LYRM2: variants seen among roughly 807,000 people sequenced by gnomAD.
LYRM2 encodes LYR motif containing 2.
LYRM2 carries 8 observed loss-of-function variants against 11.6 expected under a neutral mutation model. The ratio of observed to expected loss-of-function variants is 0.69; its 90% CI spans 0.40 to 1.24. LYRM2 has a LOEUF of 1.24. LYRM2 is among the 50% of genes most tolerant of loss of function. LYRM2 has a pLI of 0.01. For missense variants in LYRM2, 117 were observed against 102.9 expected (o/e 1.14, Z -0.59); for synonymous variants, 30 against 36.4 (o/e 0.83, Z 0.63).
Position 89,632,378 on chromosome 6 carries a change from A to G in LYRM2, c.*4895T>C, listed in dbSNP as rs563180470. Reference sequence around the variant, plus strand: ...GACATTCCTAAAAGAAAAATAATTCAGTAGATATATGTCACTGTTACCTGA... The same window carrying G: ...GACATTCCTAAAAGAAAAATAATTCGGTAGATATATGTCACTGTTACCTGA... On this transcript the variant is annotated 3_prime_UTR_variant, in exon 3 of 3. Transcript: ENST00000523377. The G allele has an allele frequency of 1.1e-4, 16 of 152,312 alleles. No homozygotes were observed. The highest frequency in any genetic ancestry group is 3.9e-4 in the African/African-American group (16 of 41,556). The allele number at this position is 152,312 out of a possible 1,614,324, so 9.4% of individuals were successfully genotyped here.
At chr6:89,637,386 T>G (rs1374321348) in intron 2 of LYRM2, 33 bp from the exon 3 acceptor site, 6 of 1,405,206 alleles carry the variant, frequency 4.3e-6, no homozygotes, top group Non-Finnish European at 6.0e-6. Context: ...GTTATAGTTT[T>G]ACCTGGTTAA....
In LYRM2 at chr6:89,638,732, G is replaced by A. The variant is rs772691828; in HGVS notation, c.-16C>T. ...AAGCAGCCATGTCCACCAGAGGTCC[G>A]CCGGAGCCTCAGCGCGCAGGAGCGG... On this transcript the variant is annotated 5_prime_UTR_variant, in exon 1 of 3. Transcript: ENST00000523377. The A allele has an allele frequency of 1.2e-6, 2 of 1,613,840 alleles. No homozygotes were observed. Among genetic ancestry groups the A allele is most frequent in the Non-Finnish European group, 1.7e-6 (2 of 1,179,894 alleles).
In LYRM2 at chr6:89,638,732, G is replaced by C. The variant is rs772691828; in HGVS notation, c.-16C>G. 1.9e-6 allele frequency: 3 copies of C among 1,613,722 alleles called. No homozygotes were observed. In the African/African-American group the frequency reaches 4.0e-5, roughly 22 times the overall value. ...AAGCAGCCATGTCCACCAGAGGTCC[G>C]CCGGAGCCTCAGCGCGCAGGAGCGG... On this transcript the variant is annotated 5_prime_UTR_variant, in exon 1 of 3. Coordinates refer to ENST00000523377, the MANE Select transcript of LYRM2 (RefSeq NM_020466.5).
In LYRM2 at chr6:89,636,680, G is replaced by GCTTTTTTTTTTT. The variant is rs1275271207; in HGVS notation, c.*592_*593insAAAAAAAAAAAG. The GCTTTTTTTTTTT allele has an allele frequency of 7.7e-6, 1 of 129,504 alleles. No individual in the cohort carries two copies. Among genetic ancestry groups the GCTTTTTTTTTTT allele is most frequent in the African/African-American group, 2.9e-5 (1 of 34,254 alleles). The allele number at this position is 129,504 out of a possible 1,614,324, so 8.0% of individuals were successfully genotyped here. ...TCTAGTGAATGTGAATCTCAGGGTT[G>GCTTTTTTTTTTT]TTTTTTTTTTTTTTTTTTAGAGACT... On this transcript the variant is annotated 3_prime_UTR_variant, in exon 3 of 3. Coordinates refer to ENST00000523377, the MANE Select transcript of LYRM2 (RefSeq NM_020466.5).
chr6:89,637,905 G>A, intron 1 of LYRM2, 23 bp from the exon 2 acceptor site: 1 of 1,605,124 alleles, frequency 6.2e-7, no homozygotes, highest in Non-Finnish European at 8.5e-7. Flanking sequence ...GGAGTAAATA[G>A]CAATTACTAC....
chr6:89,633,565 G>GT lies in LYRM2; in HGVS notation c.*3707dup, dbSNP rs892483222. The stretch of plus-strand genomic sequence containing the variant: ...CACAGAAATACTGTACAGTATTAGT[G>GT]TTTTTTTAAAGAAATTGTTAGTGCA... On this transcript the variant is annotated 3_prime_UTR_variant, in exon 3 of 3. Transcript: ENST00000523377. The GT allele has an allele frequency of 3.9e-5, 6 of 152,048 alleles. No homozygotes were observed. The highest frequency in any genetic ancestry group is 7.4e-5 in the Non-Finnish European group (5 of 68,016). The allele number at this position is 152,048 out of a possible 1,614,324, so 9.4% of individuals were successfully genotyped here. A position where few individuals can be genotyped will look rare whatever the true frequency, so the allele number is the denominator to read the frequency against.
In LYRM2 at chr6:89,637,047, G is replaced by T. The variant is rs1189559798; in HGVS notation, c.*226C>A. The T allele has an allele frequency of 4.9e-6, 2 of 406,074 alleles. No homozygotes were observed. Among genetic ancestry groups the T allele is most frequent in the Non-Finnish European group, 8.8e-6 (2 of 226,572 alleles). 25.2% of individuals were successfully genotyped at this position (406,074 alleles called of 1,614,324 possible). On this transcript the variant is annotated 3_prime_UTR_variant, in exon 3 of 3. Coordinates refer to ENST00000523377, the MANE Select transcript of LYRM2 (RefSeq NM_020466.5). ...AGCATCTACTGGCCATTTGTTAGTGGTTTTTTTCTTCTTTTAAGAACTGCT... is the reference window on the plus strand; with the variant it reads ...AGCATCTACTGGCCATTTGTTAGTGTTTTTTTTCTTCTTTTAAGAACTGCT...
rs541590622 is a variant in LYRM2, at chr6:89,632,337, A to G, written c.*4936T>C. The G allele has an allele frequency of 6.8e-6, 1 of 146,246 alleles. No individual in the cohort carries two copies. Among genetic ancestry groups the G allele is most frequent in the East Asian group, 2.0e-4 (1 of 4,958 alleles). The allele number at this position is 146,246 out of a possible 1,614,324, so 9.1% of individuals were successfully genotyped here. A position where few individuals can be genotyped will look rare whatever the true frequency, so the allele number is the denominator to read the frequency against. On this transcript the variant is annotated 3_prime_UTR_variant, in exon 3 of 3. Coordinates refer to ENST00000523377, the MANE Select transcript of LYRM2 (RefSeq NM_020466.5). ...AGGGTTTTTTCTTTTTTTTATAGTGACAATCCATAGATATAGACATTCCTA... is the reference window on the plus strand; with the variant it reads ...AGGGTTTTTTCTTTTTTTTATAGTGGCAATCCATAGATATAGACATTCCTA...
chr6:89,637,743 T>G lies in LYRM2; in HGVS notation c.185A>C (p.Glu62Ala), dbSNP rs746828223. Reference protein sequence around the residue: ...EFRRNKSATEEDTIRMMITQG... With the variant: ...EFRRNKSATEADTIRMMITQG... ...TCCTCACCATGATTTTGTTCTCACCTCTTCGGTGGCACTTTTGTTTCTTCT... is the reference window on the plus strand; with the variant it reads ...TCCTCACCATGATTTTGTTCTCACCGCTTCGGTGGCACTTTTGTTTCTTCT... Residue 62 changes from glutamate to alanine, a missense_variant and splice_region_variant, in exon 2 of 3, where the codon GAG becomes GCG. By Grantham distance (107) the Glu-to-Ala change is moderately radical (BLOSUM62 -1). Transcript: ENST00000523377. 1 of 1,613,974 alleles carries G rather than the reference T, an allele frequency of 6.2e-7. No individual in the cohort carries two copies. The highest frequency in any genetic ancestry group is 8.5e-7 in the Non-Finnish European group (1 of 1,179,888).
In LYRM2 at chr6:89,636,039, T is replaced by G. The variant is rs946644140; in HGVS notation, c.*1234A>C. On this transcript the variant is annotated 3_prime_UTR_variant, in exon 3 of 3. Coordinates refer to ENST00000523377, the MANE Select transcript of LYRM2 (RefSeq NM_020466.5). ...CTATGACACATCTGAAGAACGTACC[T>G]GAACAACCCTCAGGGATAATGCAGG... is the stretch of plus-strand genomic sequence containing the variant. The G allele has an allele frequency of 6.0e-6, 1 of 167,200 alleles. No homozygotes were observed. Among genetic ancestry groups the G allele is most frequent in the Non-Finnish European group, 1.3e-5 (1 of 75,200 alleles). The allele number at this position is 167,200 out of a possible 1,614,324, so 10.4% of individuals were successfully genotyped here.
rs2128295542 is a variant in LYRM2, at chr6:89,637,205, T to C, written c.*68A>G. On this transcript the variant is annotated 3_prime_UTR_variant, in exon 3 of 3. Transcript: ENST00000523377. Reference sequence around the variant, plus strand: ...AATAGTAAGACTGGGCTTTGTGTTGTCCATTGTTAATCCTAAATGCAACAA... The same window carrying C: ...AATAGTAAGACTGGGCTTTGTGTTGCCCATTGTTAATCCTAAATGCAACAA... 2 of 784,390 alleles carry C rather than the reference T, an allele frequency of 2.5e-6. No individual in the cohort carries two copies. The highest frequency in any genetic ancestry group is 5.2e-5 in the East Asian group (2 of 38,206). 48.6% of individuals were successfully genotyped at this position (784,390 alleles called of 1,614,324 possible). A position where few individuals can be genotyped will look rare whatever the true frequency, so the allele number is the denominator to read the frequency against.
rs1443553203 is a variant in LYRM2 at position 89,635,793 on chromosome 6, TTC to T, written c.*1478_*1479del. 1 of 152,172 alleles carries T rather than the reference TTC, an allele frequency of 6.6e-6. No individual in the cohort carries two copies. Among genetic ancestry groups the T allele is most frequent in the Non-Finnish European group, 1.5e-5 (1 of 68,062 alleles). 9.4% of individuals were successfully genotyped at this position (152,172 alleles called of 1,614,324 possible). ...ATTTGTCTCTGACGTATTCTTCAAA[TTC>T]TCTTTGTTTTTTTTCCTGTCATTGG... On this transcript the variant is annotated 3_prime_UTR_variant, in exon 3 of 3. Transcript: ENST00000523377.
In LYRM2 at chr6:89,633,839, T is replaced by C. The variant is rs1046439038; in HGVS notation, c.*3434A>G. ...TAAAAAAATGCAAGTGTGAATACTTTGTTTAGCTTACATTTTAATTTATTG... is the reference window on the plus strand; with the variant it reads ...TAAAAAAATGCAAGTGTGAATACTTCGTTTAGCTTACATTTTAATTTATTG... On this transcript the variant is annotated 3_prime_UTR_variant, in exon 3 of 3. Transcript: ENST00000523377. 2.6e-5 allele frequency: 4 copies of C among 152,262 alleles called. No homozygotes were observed. Among genetic ancestry groups the C allele is most frequent in the Admixed American group, 2.6e-4 (4 of 15,290 alleles). The allele number at this position is 152,262 out of a possible 1,614,324, so 9.4% of individuals were successfully genotyped here.
chr6:89,633,758 C>G lies in LYRM2; in HGVS notation c.*3515G>C, dbSNP rs1807853478. On this transcript the variant is annotated 3_prime_UTR_variant, in exon 3 of 3. Transcript: ENST00000523377. ...GTCTTCTAATTAATATTTTTATCAC[C>G]TTGAATTTGTGTCTCTTCCAAGCAT... is the stretch of plus-strand genomic sequence containing the variant. The G allele has an allele frequency of 6.6e-6, 1 of 152,048 alleles. No homozygotes were observed. The highest frequency in any genetic ancestry group is 2.1e-4 in the South Asian group (1 of 4,834). 9.4% of individuals were successfully genotyped at this position (152,048 alleles called of 1,614,324 possible).
At position 89,633,731 on chromosome 6, in the gene LYRM2, G is replaced by A. The variant is rs570891322; in HGVS notation, c.*3542C>T. 1 of 152,204 alleles carries A rather than the reference G, an allele frequency of 6.6e-6. No individual in the cohort carries two copies. The highest frequency in any genetic ancestry group is 6.5e-5 in the Admixed American group (1 of 15,284). The allele number at this position is 152,204 out of a possible 1,614,324, so 9.4% of individuals were successfully genotyped here. On this transcript the variant is annotated 3_prime_UTR_variant, in exon 3 of 3. Transcript: ENST00000523377. The stretch of plus-strand genomic sequence containing the variant: ...TGTTGATATACTTGAGGCATGTTAT[G>A]TGTCTTCTAATTAATATTTTTATCA...
At chr6:89,637,374 T>G (rs1269329893) in intron 2 of LYRM2, 21 bp from the exon 3 acceptor site, 2 of 1,511,308 alleles carry the variant, frequency 1.3e-6, no homozygotes, top group Non-Finnish European at 1.8e-6. Flanking sequence ...AAGTGAAATC[T>G]GGTTATAGTT....
rs1294423259 is a variant in LYRM2, at chr6:89,638,710, C to T, written c.7G>A (p.Ala3Thr). The T allele has an allele frequency of 1.3e-5, 21 of 1,613,976 alleles. No individual in the cohort carries two copies. The highest frequency in any genetic ancestry group is 7.7e-5 in the South Asian group (7 of 91,096). The change falls in exon 1 of 3, where the codon GCT becomes ACT. Residue 3 changes from alanine (A) to threonine (T), a missense_variant. Transcript: ENST00000523377. MAASRLPPATLTL... is the reference protein window; with the variant it reads MATSRLPPATLTL... ...AGCGTCGCTGGGGGTAAGCGGGAAGCAGCCATGTCCACCAGAGGTCCGCCG... is the reference window on the plus strand; with the variant it reads ...AGCGTCGCTGGGGGTAAGCGGGAAGTAGCCATGTCCACCAGAGGTCCGCCG...
At position 89,632,657 on chromosome 6, in the gene LYRM2, G is replaced by A. The variant is rs1807635967; in HGVS notation, c.*4616C>T. On this transcript the variant is annotated 3_prime_UTR_variant, in exon 3 of 3. Coordinates refer to ENST00000523377, the MANE Select transcript of LYRM2 (RefSeq NM_020466.5). ...TGTTATTTCAAGTTGATTTTCATGT[G>A]TTTGGGAGCTTGTCTTGTTCTCAAC... 6.6e-6 allele frequency: 1 copy of A among 152,220 alleles called. No homozygotes were observed. The highest frequency in any genetic ancestry group is 1.5e-5 in the Non-Finnish European group (1 of 68,040). 9.4% of individuals were successfully genotyped at this position (152,220 alleles called of 1,614,324 possible). A position where few individuals can be genotyped will look rare whatever the true frequency, so the allele number is the denominator to read the frequency against.
In LYRM2 at chr6:89,636,075, A is replaced by G. The variant is rs566768080; in HGVS notation, c.*1198T>C. 26 of 156,216 alleles carry G rather than the reference A, an allele frequency of 1.7e-4. No homozygotes were observed. The highest frequency in any genetic ancestry group is 6.2e-4 in the African/African-American group (26 of 41,758). The allele number at this position is 156,216 out of a possible 1,614,324, so 9.7% of individuals were successfully genotyped here. On this transcript the variant is annotated 3_prime_UTR_variant, in exon 3 of 3. Transcript: ENST00000523377. ...CAGGGATAATGCAGGATTTTTCGAG[A>G]AAGTTCCAGGGTATCTCCTGGTGTC...
Sources: gnomAD v4.1 joint callset for allele counts on GRCh38, gnomAD v4.1.1 for gene constraint, MANE v1.5 for transcripts, NCBI Gene and HGNC (gene_info 2026-07-23, HGNC 2026-07-21) for gene names.